ZFYVE26: variants seen among roughly 807,000 people sequenced by gnomAD.
ZFYVE26 encodes the protein zinc finger FYVE-type containing 26.
A neutral mutation model predicts 276.5 loss-of-function variants in ZFYVE26; 181 were observed. The observed-to-expected ratio is 0.65, with a 90% CI of 0.58 to 0.74. The LOEUF (loss-of-function observed/expected upper bound fraction) is 0.74. Ranked by LOEUF, ZFYVE26 falls within the 30% of genes least tolerant of loss-of-function variation. The probability of loss-of-function intolerance (pLI) is 0.00; values close to 1 mark genes in which losing one functional copy is unlikely to be tolerated. For synonymous variants in ZFYVE26, 1,129 were observed against 1,203.1 expected, an observed-to-expected ratio of 0.94 and a Z score of 1.27; for missense variants, 2,821 against 3,097.9, an observed-to-expected ratio of 0.91 and a Z score of 2.12.
intron 13 of ZFYVE26, 101 bp from the exon 14 acceptor site, chr14:67,793,860 C>A: frequency 6.6e-7 from 1 of 1,517,394 alleles, no homozygotes; most frequent in Non-Finnish European, 9.0e-7. Flanking sequence ...CCTCAATGTC[C>A]TTCTGTAAAA....
At position 67,781,626 on chromosome 14, in the gene ZFYVE26, G is replaced by A. The variant is rs573782429; in HGVS notation, c.4373-97C>T. On this transcript the variant is annotated intron_variant, in intron 21 of 41. Transcript: ENST00000347230. ...TTGAGAAAGGGCTTTCTTCAATCTCGTAAAAGAGGAGCTTGGAGGATCCTT... is the reference window on the plus strand; with the variant it reads ...TTGAGAAAGGGCTTTCTTCAATCTCATAAAAGAGGAGCTTGGAGGATCCTT... The A allele has an allele frequency of 2.3e-3, 2,633 of 1,138,298 alleles. 7 individuals are homozygous for A. Among genetic ancestry groups the A allele is most frequent in the Non-Finnish European group, 2.8e-3 (2,156 of 768,306 alleles). The allele number at this position is 1,138,298 out of a possible 1,614,324, so 70.5% of individuals were successfully genotyped here.
rs1823769496 is a variant in ZFYVE26 at position 67,767,856 on chromosome 14, C to T, written c.5654-16G>A. ...CTGTCTAGAGCTGAGAAGAGAAATG[C>T]CATTCATGTGTCATTCACTGGCTGG... On this transcript the variant is annotated splice_polypyrimidine_tract_variant and intron_variant, in intron 30 of 41. Transcript: ENST00000347230. 5 of 1,614,090 alleles carry T rather than the reference C, an allele frequency of 3.1e-6. No individual in the cohort carries two copies. Among genetic ancestry groups the T allele is most frequent in the Non-Finnish European group, 4.2e-6 (5 of 1,179,986 alleles).
intron 3 of ZFYVE26, among the ~76,000 whole-genome samples, chr14:67,809,815 C>T (rs1383749559): frequency 1.9e-4 from 25 of 130,034 alleles, no homozygotes; most frequent in Admixed American, 8.1e-5. Context: ...GATAGAGTCT[C>T]GCTCTGTTGC....
chr14:67,739,685 T>C (rs17836863), intron 13 of ZFYVE26, among the ~76,000 whole-genome samples: 11,285 of 152,258 alleles, frequency 0.074, 598 homozygotes, highest in East Asian at 0.23. Context: ...TTTCTGAATA[T>C]GACAGATATC....
At chr14:67,765,961 T>C (rs1467203469) in intron 32 of ZFYVE26, among the ~76,000 whole-genome samples, 1 of 152,196 alleles carries the variant, frequency 6.6e-6, no homozygotes, top group Non-Finnish European at 1.5e-5. Context: ...ATGAAAGTCT[T>C]TACTCTCTTT....
intron 13 of ZFYVE26, among the ~76,000 whole-genome samples, chr14:67,738,096 G>T (rs960678940): frequency 6.6e-6 from 1 of 151,958 alleles, no homozygotes; most frequent in East Asian, 1.9e-4. Flanking sequence ...GCAAATATTG[G>T]CAAAAATATA....
At chr14:67,744,911 T>C (rs1193964893), downstream of ZFYVE26, among the ~76,000 whole-genome samples, 1 of 152,222 alleles carries the variant, frequency 6.6e-6, no homozygotes, top group Non-Finnish European at 1.5e-5. Context: ...TGATTCATAA[T>C]CCTTTGGGTA....
downstream of ZFYVE26, among the ~76,000 whole-genome samples, chr14:67,745,092 T>C (rs765196435): frequency 3.3e-5 from 5 of 152,258 alleles, no homozygotes; most frequent in Non-Finnish European, 5.9e-5. Context: ...CCTGGCTTTT[T>C]AATAATTGCC....
rs151166497 is a variant in ZFYVE26, at chr14:67,754,144, G to A, written c.7055C>T (p.Thr2352Ile). Residue 2352 changes from threonine to isoleucine, a missense_variant, in exon 38 of 42, where the codon ACC becomes ATC. Physicochemically the swap from Thr to Ile is moderately conservative, Grantham distance 89 (BLOSUM62 -1). Coordinates refer to ENST00000347230, the MANE Select transcript of ZFYVE26 (RefSeq NM_015346.4). The stretch of plus-strand genomic sequence containing the variant: ...CAGAGGCAAAGTGGTGATTTGAGAG[G>A]TCCCAGCACTTTCGCACCGATGCAA... ...RFLHRCESAG[T>I]SQITTLPLPT... The A allele has an allele frequency of 3.1e-3, 5,040 of 1,614,242 alleles. 21 individuals carry two copies. Among genetic ancestry groups the A allele is most frequent in the Non-Finnish European group, 3.3e-3 (3,884 of 1,180,038 alleles).
chr14:67,810,948 T>C (rs17104697), intron 3 of ZFYVE26, among the ~76,000 whole-genome samples: 5,500 of 152,232 alleles, frequency 0.036, 296 homozygotes, highest in African/African-American at 0.12. Context: ...AAGACCTAAC[T>C]ATCTCCATTC....
In ZFYVE26 at chr14:67,784,103, T is replaced by G. The variant is rs560140378; in HGVS notation, c.3626+231A>C. Among the ~76,000 whole-genome samples the G allele has an allele frequency of 2.0e-5, 3 of 152,310 alleles. No homozygotes were observed. In the South Asian group the frequency reaches 6.2e-4, roughly 32 times the overall value. The stretch of plus-strand genomic sequence containing the variant: ...TTTAGATTTTTGCCTATTTATAAAG[T>G]GCAGAGTCACCCACTGATTTCATAC... On this transcript the variant is annotated intron_variant, in intron 20 of 41. Transcript: ENST00000347230.
At position 67,805,467 on chromosome 14, in the gene ZFYVE26, A is replaced by AGGG; in HGVS notation, c.1166_1168dup (p.Thr389_Leu390insPro). On this transcript the variant is annotated inframe_insertion, in exon 7 of 42. Coordinates refer to ENST00000347230, the MANE Select transcript of ZFYVE26 (RefSeq NM_015346.4). ...AGTGAGAGTTACCTGGGTCCTGTGC[A>AGGG]GGGTCTGGAGCAGCCTCTTGGCTGA... 1 of 1,614,232 alleles carries AGGG rather than the reference A, an allele frequency of 6.2e-7. No homozygotes were observed. Among genetic ancestry groups the AGGG allele is most frequent in the Non-Finnish European group, 8.5e-7 (1 of 1,180,034 alleles).
chr14:67,784,668 G>C (rs930621335), intron 19 of ZFYVE26, among the ~76,000 whole-genome samples: 1 of 152,192 alleles, frequency 6.6e-6, no homozygotes, highest in South Asian at 2.1e-4. Flanking sequence ...TCAGTGGGCA[G>C]ATCTAGCCAC....
At chr14:67,751,006 A>T in intron 41 of ZFYVE26, 46 bp downstream of exon 41, 1 of 1,612,646 alleles carries the variant, frequency 6.2e-7, no homozygotes, top group Non-Finnish European at 8.5e-7. Context: ...CAAGCCTGAG[A>T]CACAATTCAT....
rs576289128 is a variant in ZFYVE26 at position 67,750,264 on chromosome 14, G to A, written c.7416+788C>T. On this transcript the variant is annotated intron_variant, in intron 41 of 41. Transcript: ENST00000347230. ...TTTAGAACTTATTCTCCTTAACCCT[G>A]GAGACTGAAAAATGCCCATTAAGTT... Among the ~76,000 whole-genome samples, 16 of 152,296 alleles carry A rather than the reference G, an allele frequency of 1.1e-4. 1 individual carries two copies. In the South Asian group the frequency reaches 3.3e-3, roughly 32 times the overall value.
chr14:67,772,882 G>T (rs1319470294), intron 27 of ZFYVE26, among the ~76,000 whole-genome samples: 1 of 152,102 alleles, frequency 6.6e-6, no homozygotes, highest in Non-Finnish European at 1.5e-5. Context: ...GATTGCTTGA[G>T]CCCAGGAGTT....
chr14:67,805,455 T>G lies in ZFYVE26; in HGVS notation c.1181A>C (p.Gln394Pro). ...KRLLQTLHRT[Q>P]GPGCDELLRD... ...CCTGGGATGCTGAGTGAGAGTTACC[T>G]GGGTCCTGTGCAGGGTCTGGAGCAG... Residue 394 changes from glutamine to proline, a missense_variant and splice_region_variant, in exon 7 of 42, where the codon CAG becomes CCG. Coordinates refer to ENST00000347230, the MANE Select transcript of ZFYVE26 (RefSeq NM_015346.4). 1.9e-6 allele frequency: 3 copies of G among 1,614,188 alleles called. No homozygotes were observed. The highest frequency in any genetic ancestry group is 4.5e-5 in the East Asian group (2 of 44,880).
At chr14:67,808,005 A>G in intron 4 of ZFYVE26, 85 bp from the exon 5 acceptor site, 1 of 1,505,410 alleles carries the variant, frequency 6.6e-7, no homozygotes, top group Non-Finnish European at 9.2e-7. Flanking sequence ...CCTCTTTTTC[A>G]GTTTACTTAT....
In ZFYVE26 at chr14:67,754,198, A is replaced by T; in HGVS notation, c.7001T>A (p.Leu2334His). ...CCTGGTCACTTCCATCTGCAGCTGA[A>T]GTGTGTTCATGTGCCTGTGGTGACA... is the stretch of plus-strand genomic sequence containing the variant. ...AADVSRHMNTLQLQMEVTRFL... is the reference protein window; with the variant it reads ...AADVSRHMNTHQLQMEVTRFL... The change falls in exon 38 of 42, where the codon CTT (leucine) becomes CAT (histidine). Residue 2334 changes from leucine to histidine, a missense_variant. Coordinates refer to ENST00000347230, the MANE Select transcript of ZFYVE26 (RefSeq NM_015346.4). The T allele has an allele frequency of 6.2e-7, 1 of 1,614,222 alleles. No homozygotes were observed. The highest frequency in any genetic ancestry group is 1.1e-5 in the South Asian group (1 of 91,086).
Sources: allele counts gnomAD v4.1 joint callset (sites outside exome capture counted in the v4.1 genomes callset), GRCh38; gene constraint gnomAD v4.1.1; transcripts MANE v1.5; gene names NCBI Gene and HGNC (gene_info 2026-07-23, HGNC 2026-07-21).